Variants in ARHGAP42 observed in about 807,000 individuals in gnomAD.
The protein encoded by ARHGAP42 is Rho GTPase activating protein 42.
Under a neutral mutation model 125.0 loss-of-function variants are expected in ARHGAP42, and 63 were observed. The ratio of observed to expected loss-of-function variants is 0.50; its 90% CI spans 0.41 to 0.62. The LOEUF (loss-of-function observed/expected upper bound fraction) is 0.62. ARHGAP42 is among the 20% of genes least tolerant of loss of function. ARHGAP42 has a pLI of 0.00. For missense variants in ARHGAP42, 766 were observed against 1,024.2 expected (o/e 0.75, Z 3.44); for synonymous variants, 339 against 351.0 (o/e 0.97, Z 0.38).
At chr11:100,772,179 G>A (rs140485508) in intron 2 of ARHGAP42, among the ~76,000 whole-genome samples, 2 of 152,232 alleles carry the variant, frequency 1.3e-5, no homozygotes, top group East Asian at 3.9e-4. Context: ...AAACAAAAGG[G>A]CAATGTTACC....
At chr11:100,779,753 C>A (rs867653806) in intron 2 of ARHGAP42, among the ~76,000 whole-genome samples, 1 of 151,358 alleles carries the variant, frequency 6.6e-6, no homozygotes, top group African/African-American at 2.4e-5. Context: ...TGGCTGGGTG[C>A]GGTGACTCAC....
chr11:100,779,798 G>A (rs1485093749), intron 2 of ARHGAP42, among the ~76,000 whole-genome samples: 1 of 151,690 alleles, frequency 6.6e-6, no homozygotes, highest in Non-Finnish European at 1.5e-5. Context: ...GGCTGAGGCA[G>A]GTGTATTACC....
At chr11:100,930,357 G>C (rs369956557) in intron 6 of ARHGAP42, among the ~76,000 whole-genome samples, 2 of 152,236 alleles carry the variant, frequency 1.3e-5, no homozygotes, top group African/African-American at 4.8e-5. Context: ...CGATAAAAAC[G>C]TTTAACTTTG....
At chr11:100,886,071 A>G (rs76433628) in intron 4 of ARHGAP42, among the ~76,000 whole-genome samples, 6,917 of 152,254 alleles carry the variant, frequency 0.045, 234 homozygotes, top group East Asian at 0.11. Context: ...TATGGTCTAC[A>G]TTTTTTATTT....
At chr11:100,985,748 T>C (rs550174047) in intron 22 of ARHGAP42, among the ~76,000 whole-genome samples, 18 of 152,356 alleles carry the variant, frequency 1.2e-4, no homozygotes, top group African/African-American at 4.3e-4. Flanking sequence ...TCACCTCTGA[T>C]GAAAAGACTG....
chr11:100,864,461 C>T (rs1865520890), intron 4 of ARHGAP42, among the ~76,000 whole-genome samples: 1 of 152,104 alleles, frequency 6.6e-6, no homozygotes, highest in Admixed American at 6.6e-5. Context: ...GGATTACAGT[C>T]GTGAGCCACC....
At chr11:100,954,942 A>C (rs757017064) in intron 12 of ARHGAP42, among the ~76,000 whole-genome samples, 7 of 152,206 alleles carry the variant, frequency 4.6e-5, no homozygotes, top group Non-Finnish European at 1.0e-4. Context: ...ACAGGAGATC[A>C]GCAAAGTGAA....
At chr11:100,722,423 C>T (rs1388661270) in intron 1 of ARHGAP42, among the ~76,000 whole-genome samples, 5 of 145,898 alleles carry the variant, frequency 3.4e-5, no homozygotes, top group Admixed American at 6.8e-5. Flanking sequence ...GACAGAGTCT[C>T]GCTCTGTTGC....
intron 2 of ARHGAP42, among the ~76,000 whole-genome samples, chr11:100,772,368 T>G (rs972042196): frequency 4.6e-5 from 7 of 152,206 alleles, no homozygotes; most frequent in Non-Finnish European, 7.3e-5. Context: ...ATCATTGTGA[T>G]CATATTCGCA....
intron 3 of ARHGAP42, among the ~76,000 whole-genome samples, chr11:100,820,086 C>T (rs945380904): frequency 6.6e-6 from 1 of 152,036 alleles, no homozygotes; most frequent in African/African-American, 2.4e-5. Context: ...ATAATAAAGG[C>T]TTGGGTTTCA....
intron 3 of ARHGAP42, among the ~76,000 whole-genome samples, chr11:100,805,515 A>C (rs1057484552): frequency 1.3e-5 from 2 of 152,224 alleles, no homozygotes; most frequent in Admixed American, 1.3e-4. Context: ...GACCTTGTGC[A>C]AGACAGAATT....
intron 4 of ARHGAP42, among the ~76,000 whole-genome samples, chr11:100,910,248 A>C (rs1479056789): frequency 6.6e-6 from 1 of 152,136 alleles, no homozygotes; most frequent in African/African-American, 2.4e-5. Context: ...ATCTGCATAG[A>C]CATATAGTAA....
At chr11:100,732,937 CAT>C (rs1225080469) in intron 1 of ARHGAP42, among the ~76,000 whole-genome samples, 4 of 152,188 alleles carry the variant, frequency 2.6e-5, no homozygotes, top group African/African-American at 9.7e-5. Flanking sequence ...AATAAGGACA[CAT>C]GTTAATTAGC....
Position 100,687,567 on chromosome 11 carries a change from CG to C in ARHGAP42, c.-110del. The C allele has an allele frequency of 1.2e-6, 1 of 856,176 alleles. No individual in the cohort carries two copies. Among genetic ancestry groups the C allele is most frequent in the Non-Finnish European group, 1.5e-6 (1 of 670,742 alleles). 53.0% of individuals were successfully genotyped at this position (856,176 alleles called of 1,614,324 possible). A position where few individuals can be genotyped will look rare whatever the true frequency, so the allele number is the denominator to read the frequency against. On this transcript the variant is annotated 5_prime_UTR_variant, in exon 1 of 24. Coordinates refer to ENST00000298815, the MANE Select transcript of ARHGAP42 (RefSeq NM_152432.4). ...CCGCGCAATCAGTCCCCTCGCGTCC[CG>C]GCGCCTTCCCCGCGATCGCGCGACC...
intron 3 of ARHGAP42, among the ~76,000 whole-genome samples, chr11:100,801,229 A>C (rs771222172): frequency 6.6e-6 from 1 of 152,178 alleles, no homozygotes; most frequent in Non-Finnish European, 1.5e-5. Context: ...CTTGTATTTA[A>C]AAAATTAGTG....
chr11:100,762,231 C>T (rs1163812798), intron 1 of ARHGAP42, among the ~76,000 whole-genome samples: 1 of 152,202 alleles, frequency 6.6e-6, no homozygotes, highest in Non-Finnish European at 1.5e-5. Flanking sequence ...TAAAGCTAGG[C>T]TAACTTGATT....
In ARHGAP42 at chr11:100,687,669, C is replaced by A; in HGVS notation, c.-10C>A. 1 of 1,471,990 alleles carries A rather than the reference C, an allele frequency of 6.8e-7. No individual in the cohort carries two copies. The highest frequency in any genetic ancestry group is 9.1e-7 in the Non-Finnish European group (1 of 1,104,366). 91.2% of individuals were successfully genotyped at this position (1,471,990 alleles called of 1,614,324 possible). A position where few individuals can be genotyped will look rare whatever the true frequency, so the allele number is the denominator to read the frequency against. Reference sequence around the variant, plus strand: ...ACGTGTCCGCGGCCGCCGCTGGCAGCGCCTGTGCCATGGGGCTGCCCACTC... The same window carrying A: ...ACGTGTCCGCGGCCGCCGCTGGCAGAGCCTGTGCCATGGGGCTGCCCACTC... On this transcript the variant is annotated 5_prime_UTR_variant, in exon 1 of 24. Coordinates refer to ENST00000298815, the MANE Select transcript of ARHGAP42 (RefSeq NM_152432.4).
chr11:100,963,550 T>C (rs1207418062), intron 16 of ARHGAP42, among the ~76,000 whole-genome samples: 2 of 152,220 alleles, frequency 1.3e-5, no homozygotes, highest in Admixed American at 6.5e-5. Flanking sequence ...AAATGTGTGC[T>C]GATAAAAGTG....
intron 3 of ARHGAP42, among the ~76,000 whole-genome samples, chr11:100,840,981 A>G (rs1001890681): frequency 1.3e-5 from 2 of 152,106 alleles, no homozygotes; most frequent in Admixed American, 6.6e-5. Flanking sequence ...ATAATTCTCA[A>G]TGCTCCCCCT....
Sources: gnomAD v4.1 joint callset for allele counts (sites outside exome capture counted in the v4.1 genomes callset) on GRCh38, gnomAD v4.1.1 for gene constraint, MANE v1.5 for transcripts, NCBI Gene and HGNC (gene_info 2026-07-23, HGNC 2026-07-21) for gene names.